Variants in SPAG16 observed in about 807,000 individuals in gnomAD.
SPAG16 encodes the protein sperm-associated antigen 16 protein.
Under a neutral mutation model 80.4 loss-of-function variants are expected in SPAG16, and 86 were observed. The ratio of observed to expected loss-of-function variants is 1.07; its 90% CI spans 0.90 to 1.28. The LOEUF is 1.28. Ranked by LOEUF, SPAG16 falls within the 50% of genes most tolerant of loss-of-function variation. SPAG16 has a pLI of 0.00. For synonymous variants in SPAG16, 294 were observed against 265.9 expected, an observed-to-expected ratio of 1.11 and a Z score of -1.03; for missense variants, 870 against 765.3, an observed-to-expected ratio of 1.14 and a Z score of -1.61.
intron 9 of SPAG16, among the ~76,000 whole-genome samples, chr2:213,389,969 C>T (rs2067655599): frequency 6.6e-6 from 1 of 152,110 alleles, no homozygotes; most frequent in Admixed American, 6.5e-5. Flanking sequence ...GTAGCTGAAA[C>T]ATGGAGACAA....
intron 8 of SPAG16, among the ~76,000 whole-genome samples, chr2:213,368,967 TCATGATAATGGC>T (rs1268069832): frequency 3.3e-5 from 5 of 152,122 alleles, no homozygotes; most frequent in Admixed American, 1.3e-4. Flanking sequence ...AGAATCAATA[TCATGATAATGGC>T]CATACTGCGC....
intron 10 of SPAG16, among the ~76,000 whole-genome samples, chr2:213,743,914 A>C (rs190311243): frequency 1.7e-4 from 26 of 152,096 alleles, no homozygotes; most frequent in Admixed American, 1.6e-3. Flanking sequence ...CTTCCTTTTT[A>C]GATTTTTCAT....
chr2:214,158,483 C>CA (rs922982678), intron 15 of SPAG16, among the ~76,000 whole-genome samples: 12 of 151,194 alleles, frequency 7.9e-5, no homozygotes, highest in African/African-American at 2.2e-4. Flanking sequence ...GAATTTTGAA[C>CA]AAAAAAAATG....
At chr2:213,349,505 G>A (rs1042972738) in intron 6 of SPAG16, among the ~76,000 whole-genome samples, 1 of 152,108 alleles carries the variant, frequency 6.6e-6, no homozygotes, top group East Asian at 1.9e-4. Flanking sequence ...GTTGTTGGAA[G>A]TATAAATTAT....
chr2:213,768,663 A>G (rs2069079698), intron 10 of SPAG16, among the ~76,000 whole-genome samples: 1 of 152,212 alleles, frequency 6.6e-6, no homozygotes, highest in African/African-American at 2.4e-5. Flanking sequence ...TAAATTTCGA[A>G]TATGTTGAAT....
chr2:213,454,669 C>G (rs1009009062), intron 9 of SPAG16, among the ~76,000 whole-genome samples: 2 of 152,156 alleles, frequency 1.3e-5, no homozygotes, highest in African/African-American at 4.8e-5. Flanking sequence ...TTCTAAGCAG[C>G]CTGAGGTGTC....
chr2:213,528,325 A>T (rs2075959477), intron 10 of SPAG16, among the ~76,000 whole-genome samples: 1 of 152,170 alleles, frequency 6.6e-6, no homozygotes, highest in Admixed American at 6.6e-5. Context: ...GTAAGAATTG[A>T]GTAAAGTTTG....
chr2:213,384,303 C>T (rs1378109906), intron 9 of SPAG16, among the ~76,000 whole-genome samples: 3 of 152,120 alleles, frequency 2.0e-5, no homozygotes, highest in Non-Finnish European at 4.4e-5. Context: ...TCCCACAGGT[C>T]AAGAATTAAT....
intron 10 of SPAG16, among the ~76,000 whole-genome samples, chr2:213,596,379 G>A (rs2060886483): frequency 6.6e-6 from 1 of 151,936 alleles, no homozygotes; most frequent in South Asian, 2.1e-4. Context: ...CATTTATTTA[G>A]GCCTTTAGTT....
intron 15 of SPAG16, among the ~76,000 whole-genome samples, chr2:214,181,082 T>G (rs1242656303): frequency 6.6e-6 from 1 of 151,790 alleles, no homozygotes; most frequent in Non-Finnish European, 1.5e-5. Flanking sequence ...CCAAATAAAT[T>G]TAGAAATAAT....
At chr2:213,793,109 G>A (rs970802037) in intron 10 of SPAG16, among the ~76,000 whole-genome samples, 1 of 151,884 alleles carries the variant, frequency 6.6e-6, no homozygotes, top group Non-Finnish European at 1.5e-5. Context: ...GTTATTTTTA[G>A]TACAGACGGG....
At chr2:213,470,112 G>C (rs1024198838) in intron 9 of SPAG16, among the ~76,000 whole-genome samples, 1 of 152,112 alleles carries the variant, frequency 6.6e-6, no homozygotes, top group Non-Finnish European at 1.5e-5. Flanking sequence ...ACCATATATT[G>C]GATGCTGATT....
intron 15 of SPAG16, among the ~76,000 whole-genome samples, chr2:214,229,202 T>A (rs1247459786): frequency 2.1e-5 from 3 of 145,294 alleles, no homozygotes; most frequent in African/African-American, 5.3e-5. Context: ...ATATAAAGGA[T>A]GTAAAGGTCA....
chr2:213,732,755 C>A (rs78587285), intron 10 of SPAG16, among the ~76,000 whole-genome samples: 3 of 152,018 alleles, frequency 2.0e-5, no homozygotes, highest in African/African-American at 7.2e-5. Context: ...TTTTTTTGAG[C>A]AGTGATTTAT....
intron 9 of SPAG16, among the ~76,000 whole-genome samples, chr2:213,476,326 A>T (rs1449521067): frequency 6.6e-6 from 1 of 152,232 alleles, no homozygotes; most frequent in East Asian, 1.9e-4. Flanking sequence ...CCTTGGCCAG[A>T]TACCTTCAAT....
intron 9 of SPAG16, among the ~76,000 whole-genome samples, chr2:213,380,031 C>T (rs531089016): frequency 6.6e-6 from 1 of 152,324 alleles, no homozygotes; most frequent in African/African-American, 2.4e-5. Flanking sequence ...TTTGACCACT[C>T]AGAGGTGTCC....
At chr2:214,187,854 TC>T (rs1421233952) in intron 15 of SPAG16, among the ~76,000 whole-genome samples, 1 of 151,890 alleles carries the variant, frequency 6.6e-6, no homozygotes, top group African/African-American at 2.4e-5. Context: ...TGAAATAGGC[TC>T]CAAACTTTCG....
At chr2:213,326,552 T>G (rs536321459) in intron 5 of SPAG16, among the ~76,000 whole-genome samples, 15 of 152,084 alleles carry the variant, frequency 9.9e-5, no homozygotes, top group Admixed American at 8.5e-4. Context: ...CTGGTTGAAT[T>G]CCATTTTGGC....
intron 7 of SPAG16, among the ~76,000 whole-genome samples, chr2:213,359,514 C>G (rs182428998): frequency 1.3e-5 from 2 of 152,296 alleles, no homozygotes; most frequent in East Asian, 1.9e-4. Context: ...GCTGCAGCCT[C>G]GCAGGTCAAT....
Sources: gnomAD v4.1 joint callset for allele counts (sites outside exome capture counted in the v4.1 genomes callset) on GRCh38, gnomAD v4.1.1 for gene constraint, MANE v1.5 for transcripts, NCBI Gene and HGNC (gene_info 2026-07-23, HGNC 2026-07-21) for gene names.